THRAP3: variants seen among roughly 807,000 people sequenced by gnomAD.
The protein encoded by THRAP3 is thyroid hormone receptor associated protein 3.
A neutral mutation model predicts 101.0 loss-of-function variants in THRAP3; 16 were observed. That is an observed-to-expected ratio of 0.16 (90% CI 0.11 to 0.24). The LOEUF (loss-of-function observed/expected upper bound fraction) is 0.24. Ranked by LOEUF, THRAP3 falls within the 10% of genes least tolerant of loss-of-function variation. THRAP3 has a pLI of 1.00. For missense variants in THRAP3, 989 were observed against 1,202.7 expected (o/e 0.82, Z 2.63); for synonymous variants, 407 against 422.6 (o/e 0.96, Z 0.45).
At chr1:36,283,296 T>A (rs1234011096) in intron 3 of THRAP3, among the ~76,000 whole-genome samples, 1 of 152,260 alleles carries the variant, frequency 6.6e-6, no homozygotes, top group Non-Finnish European at 1.5e-5. Context: ...TTGCCAGTAT[T>A]TCCTAATTCA....
chr1:36,224,094 T>C (rs2124306502), upstream of THRAP3, among the ~76,000 whole-genome samples: 1 of 152,354 alleles, frequency 6.6e-6, no homozygotes, highest in South Asian at 2.1e-4. Context: ...CAAGGCAAGC[T>C]GGCCCGGAGT....
Position 36,268,181 on chromosome 1 carries a change from C to CA in THRAP3, c.-32+8708dup, listed in dbSNP as rs1219751989. Among the ~76,000 whole-genome samples the CA allele has an allele frequency of 4.9e-3, 653 of 133,392 alleles. 2 individuals are homozygous for CA. Among genetic ancestry groups the CA allele is most frequent in the Admixed American group, 5.9e-3 (78 of 13,174 alleles). 87.5% of individuals were successfully genotyped at this position (133,392 alleles called of 152,430 possible). A position where few individuals can be genotyped will look rare whatever the true frequency, so the allele number is the denominator to read the frequency against. ...TGGGCAACAGTGCGAGACTCTGTCTCAAAAAAAAAAAGAAAGGAATTACCC... is the reference window on the plus strand; with the variant it reads ...TGGGCAACAGTGCGAGACTCTGTCTCAAAAAAAAAAAAGAAAGGAATTACCC... On this transcript the variant is annotated intron_variant, in intron 2 of 11. Coordinates refer to ENST00000354618, the MANE Select transcript of THRAP3 (RefSeq NM_005119.4).
chr1:36,260,107 T>G (rs1645425580), intron 2 of THRAP3, among the ~76,000 whole-genome samples: 1 of 151,946 alleles, frequency 6.6e-6, no homozygotes, highest in Non-Finnish European at 1.5e-5. Flanking sequence ...CCAGGCATGG[T>G]GGCAGGCACC....
chr1:36,237,584 A>G (rs1645105921), intron 1 of THRAP3, among the ~76,000 whole-genome samples: 1 of 152,014 alleles, frequency 6.6e-6, no homozygotes, highest in African/African-American at 2.4e-5. Flanking sequence ...CAGCCTGGCC[A>G]ACATGGTGAA....
Position 36,238,377 on chromosome 1 carries a change from A to G in THRAP3, c.-135+13872A>G, listed in dbSNP as rs187746862. On this transcript the variant is annotated intron_variant, in intron 1 of 11. Transcript: ENST00000354618. The stretch of plus-strand genomic sequence containing the variant: ...ACTTGCCTATGAGTGCTAGGCATTT[A>G]TTGGAATGGAAATATGTGGTATGAA... Among the ~76,000 whole-genome samples the G allele has an allele frequency of 3.0e-4, 46 of 152,312 alleles. No individual in the cohort carries two copies. In the East Asian group the frequency reaches 8.7e-3, roughly 29 times the overall value.
At chr1:36,238,799 C>T (rs1466036266) in intron 1 of THRAP3, among the ~76,000 whole-genome samples, 1 of 151,988 alleles carries the variant, frequency 6.6e-6, no homozygotes, top group Non-Finnish European at 1.5e-5. Context: ...CCTCAAACTC[C>T]TGGGCTTGAA....
intron 2 of THRAP3, among the ~76,000 whole-genome samples, chr1:36,268,181 CAAAA>C (rs1219751989): frequency 7.5e-6 from 1 of 133,494 alleles, no homozygotes; most frequent in Non-Finnish European, 1.6e-5. Flanking sequence ...GACTCTGTCT[CAAAA>C]AAAAAAAGAA....
chr1:36,210,365 CAAAAAAAA>C, the THRAP3 span, among the ~76,000 whole-genome samples: 7 of 49,620 alleles, frequency 1.4e-4, no homozygotes, highest in Non-Finnish European at 2.8e-4. Context: ...GACTCCATCT[CAAAAAAAA>C]AAAAAAAAAG....
chr1:36,304,170 T>C lies in THRAP3; in HGVS notation c.*153T>C. ...ATTGTACTACCGCGAGAGGCATCCC[T>C]GGCGCTGTCTCCCACTGGACAGAGG... On this transcript the variant is annotated 3_prime_UTR_variant, in exon 12 of 12. Transcript: ENST00000354618. 1 of 1,209,556 alleles carries C rather than the reference T, an allele frequency of 8.3e-7. No homozygotes were observed. Among genetic ancestry groups the C allele is most frequent in the African/African-American group, 1.6e-5 (1 of 64,280 alleles). The allele number at this position is 1,209,556 out of a possible 1,614,324, so 74.9% of individuals were successfully genotyped here.
intron 2 of THRAP3, among the ~76,000 whole-genome samples, chr1:36,274,625 C>CTTTTTTTTTT (rs573419051): frequency 5.1e-5 from 3 of 59,286 alleles, no homozygotes; most frequent in African/African-American, 1.9e-4. Flanking sequence ...ATTAATTGGG[C>CTTTTTTTTTT]TTTTTTTTTT....
At position 36,241,570 on chromosome 1, in the gene THRAP3, C is replaced by T. The variant is rs528307158; in HGVS notation, c.-135+17065C>T. The stretch of plus-strand genomic sequence containing the variant: ...AGAAGGTTGACTGAAGTTTAAGATC[C>T]GCTAAAATTTTTTTTTTTTTTTTTT... On this transcript the variant is annotated intron_variant, in intron 1 of 11. Coordinates refer to ENST00000354618, the MANE Select transcript of THRAP3 (RefSeq NM_005119.4). Among the ~76,000 whole-genome samples, 27 of 149,724 alleles carry T rather than the reference C, an allele frequency of 1.8e-4. 1 individual carries two copies. In the East Asian group the frequency reaches 4.1e-3, roughly 23 times the overall value.
At chr1:36,216,080 T>TA in the THRAP3 span, among the ~76,000 whole-genome samples, 1 of 151,774 alleles carries the variant, frequency 6.6e-6, no homozygotes, top group African/African-American at 2.4e-5. Context: ...TCCCAACCAT[T>TA]AAAAAATGTA....
chr1:36,287,150 G>T lies in THRAP3; in HGVS notation c.920G>T (p.Gly307Val). 1 of 1,614,158 alleles carries T rather than the reference G, an allele frequency of 6.2e-7. No individual in the cohort carries two copies. The highest frequency in any genetic ancestry group is 8.5e-7 in the Non-Finnish European group (1 of 1,180,028). The change falls in exon 4 of 12, where the codon GGG (glycine) becomes GTG (valine). Residue 307 changes from glycine to valine, a missense_variant. Coordinates refer to ENST00000354618, the MANE Select transcript of THRAP3 (RefSeq NM_005119.4). ...CAAGGTCAGTTCGACCATGGTTCTG[G>T]GTCCCTGAGTCCATCCAAAAAGAGC... ...THQGQFDHGSGSLSPSKKSPV... is the reference protein window; with the variant it reads ...THQGQFDHGSVSLSPSKKSPV...
chr1:36,227,281 T>C (rs561313614), intron 1 of THRAP3, among the ~76,000 whole-genome samples: 1 of 152,220 alleles, frequency 6.6e-6, no homozygotes, highest in East Asian at 1.9e-4. Context: ...ATAACATTAT[T>C]TACAACTTTT....
chr1:36,286,579 G>A lies in THRAP3; in HGVS notation c.349G>A (p.Ala117Thr), dbSNP rs754930134. 6.2e-7 allele frequency: 1 copy of A among 1,614,130 alleles called. No homozygotes were observed. Among genetic ancestry groups the A allele is most frequent in the Non-Finnish European group, 8.5e-7 (1 of 1,180,040 alleles). ...CTCAAATTGGCAGAATTACCGGCAAGCATACAGTCCTCGTCGAGGCCGTTC... is the reference window on the plus strand; with the variant it reads ...CTCAAATTGGCAGAATTACCGGCAAACATACAGTCCTCGTCGAGGCCGTTC... ...YRSNWQNYRQ[A>T]YSPRRGRSRS... Residue 117 changes from alanine (A) to threonine (T), a missense_variant, in exon 4 of 12, where the codon GCA becomes ACA. Ala to Thr is a moderately conservative substitution (Grantham distance 58, BLOSUM62 0). Coordinates refer to ENST00000354618, the MANE Select transcript of THRAP3 (RefSeq NM_005119.4). The surrounding 1 kb of genome is among the most constrained non-coding windows in gnomAD (Gnocchi z 5.5).
the THRAP3 span, among the ~76,000 whole-genome samples, chr1:36,211,318 A>G: frequency 6.6e-6 from 1 of 151,800 alleles, no homozygotes; most frequent in Admixed American, 6.6e-5. Flanking sequence ...TTGTGATCAC[A>G]CCACTGTACT....
At chr1:36,269,270 A>G (rs745697372) in intron 2 of THRAP3, among the ~76,000 whole-genome samples, 68 of 152,130 alleles carry the variant, frequency 4.5e-4, no homozygotes, top group Non-Finnish European at 6.5e-4. Context: ...AGTTGAAGCG[A>G]GCTCACTTTT....
At chr1:36,222,580 G>A (rs180855602), upstream of THRAP3, among the ~76,000 whole-genome samples, 1,012 of 152,042 alleles carry the variant, frequency 6.7e-3, 3 homozygotes, top group Non-Finnish European at 8.5e-3. Flanking sequence ...CTAATCTGTA[G>A]TATTTTTAGT....
chr1:36,268,396 A>G (rs1210414536), intron 2 of THRAP3, among the ~76,000 whole-genome samples: 2 of 152,202 alleles, frequency 1.3e-5, no homozygotes, highest in African/African-American at 2.4e-5. Flanking sequence ...TTGAACCTCC[A>G]TGGATAAGAG....
Sources: allele counts gnomAD v4.1 joint callset (sites outside exome capture counted in the v4.1 genomes callset), GRCh38; gene constraint gnomAD v4.1.1; non-coding constraint Gnocchi (gnomAD v3.1); transcripts MANE v1.5; gene names NCBI Gene and HGNC (gene_info 2026-07-23, HGNC 2026-07-21).